THADA: variants seen among roughly 807,000 people sequenced by gnomAD.
The protein encoded by THADA is THADA armadillo repeat containing.
Under a neutral mutation model 219.8 loss-of-function variants are expected in THADA, and 213 were observed. The observed-to-expected ratio is 0.97, with a 90% CI of 0.87 to 1.09. The LOEUF is 1.09. Ranked by LOEUF, THADA falls within the 50% of genes least tolerant of loss-of-function variation. The pLI, the probability that THADA is intolerant of heterozygous loss-of-function variation, is 0.00. For missense variants in THADA, 2,956 were observed against 2,311.3 expected, an observed-to-expected ratio of 1.28 and a Z score of -5.72; for synonymous variants, 1,018 against 828.9, an observed-to-expected ratio of 1.23 and a Z score of -3.92.
At chr2:43,427,439 T>C (rs760795209) in intron 28 of THADA, among the ~76,000 whole-genome samples, 49 of 151,516 alleles carry the variant, frequency 3.2e-4, no homozygotes, top group Non-Finnish European at 6.2e-4. Context: ...CACCTTACTC[T>C]GAAACACTGG....
intron 36 of THADA, among the ~76,000 whole-genome samples, chr2:43,269,756 G>GT (rs1671922947): frequency 6.6e-6 from 1 of 152,132 alleles, no homozygotes. Flanking sequence ...CCCTCCACTG[G>GT]TTCACAGTGG....
At chr2:43,523,482 A>G (rs1692756934) in intron 22 of THADA, among the ~76,000 whole-genome samples, 1 of 152,230 alleles carries the variant, frequency 6.6e-6, no homozygotes, top group African/African-American at 2.4e-5. Flanking sequence ...TTATTTCTCA[A>G]CTGCATATTC....
At chr2:43,355,747 C>CT (rs1668805783) in intron 29 of THADA, among the ~76,000 whole-genome samples, 1 of 152,188 alleles carries the variant, frequency 6.6e-6, no homozygotes. Flanking sequence ...ACTGAAAAAA[C>CT]TATCCCTTTC....
intron 35 of THADA, among the ~76,000 whole-genome samples, chr2:43,284,691 G>C (rs1183856165): frequency 6.6e-6 from 1 of 152,150 alleles, no homozygotes; most frequent in Non-Finnish European, 1.5e-5. Context: ...TGCGAGAAGA[G>C]GACCACCGTC....
chr2:43,557,586 G>A (rs1275380397), intron 16 of THADA, among the ~76,000 whole-genome samples: 5 of 152,128 alleles, frequency 3.3e-5, no homozygotes, highest in East Asian at 1.9e-4. Context: ...CACTCACATC[G>A]CCTGTCCTAA....
At chr2:43,485,393 C>G in intron 25 of THADA, 68 bp from the exon 26 acceptor site, 1 of 1,094,586 alleles carries the variant, frequency 9.1e-7, no homozygotes, top group Non-Finnish European at 1.4e-6. Flanking sequence ...TTACAATGTT[C>G]AAACTAGATA....
At chr2:43,263,137 A>G (rs1184611315) in intron 36 of THADA, among the ~76,000 whole-genome samples, 1 of 152,066 alleles carries the variant, frequency 6.6e-6, no homozygotes, top group African/African-American at 2.4e-5. Context: ...AGTTCCCTAA[A>G]TGTGTCACGG....
At chr2:43,423,097 T>C (rs1252689165) in intron 28 of THADA, among the ~76,000 whole-genome samples, 3 of 152,204 alleles carry the variant, frequency 2.0e-5, no homozygotes, top group Non-Finnish European at 4.4e-5. Flanking sequence ...TTCTAGTACA[T>C]GGCTCCTCAA....
chr2:43,542,637 T>G (rs963981991), intron 20 of THADA, among the ~76,000 whole-genome samples: 1 of 152,200 alleles, frequency 6.6e-6, no homozygotes, highest in Non-Finnish European at 1.5e-5. Context: ...CTAATAAGGT[T>G]TGTTTCCTTT....
At chr2:43,579,502 G>A (rs1409327046) in intron 8 of THADA, among the ~76,000 whole-genome samples, 1 of 152,178 alleles carries the variant, frequency 6.6e-6, no homozygotes, top group Non-Finnish European at 1.5e-5. Flanking sequence ...ACTTCTTTAT[G>A]ACATCATAAA....
intron 26 of THADA, among the ~76,000 whole-genome samples, chr2:43,433,878 G>T (rs1445744360): frequency 3.9e-5 from 6 of 152,116 alleles, no homozygotes; most frequent in African/African-American, 7.2e-5. Context: ...TAGTAGAGAT[G>T]AGGTTTCACT....
chr2:43,559,908 T>C (rs527737734), intron 16 of THADA, among the ~76,000 whole-genome samples: 46 of 152,324 alleles, frequency 3.0e-4, no homozygotes, highest in Middle Eastern at 3.4e-3. Flanking sequence ...GAATATTACA[T>C]GTCCAAGGGA....
chr2:43,334,079 C>A (rs1338829890), intron 30 of THADA, among the ~76,000 whole-genome samples: 1 of 152,238 alleles, frequency 6.6e-6, no homozygotes, highest in Non-Finnish European at 1.5e-5. Context: ...GATTGCCACA[C>A]AAAAGCCTCA....
At chr2:43,548,768 T>C (rs1423797540) in intron 20 of THADA, among the ~76,000 whole-genome samples, 1 of 152,228 alleles carries the variant, frequency 6.6e-6, no homozygotes, top group Non-Finnish European at 1.5e-5. Context: ...AGGTACCGTC[T>C]GTCACCCCTT....
intron 22 of THADA, among the ~76,000 whole-genome samples, chr2:43,512,169 C>G (rs577914011): frequency 6.6e-6 from 1 of 152,208 alleles, no homozygotes; most frequent in Non-Finnish European, 1.5e-5. Flanking sequence ...ACCATGGACC[C>G]AGGAACCTCA....
chr2:43,371,822 C>T (rs1670836697), intron 29 of THADA: 1 of 152,024 alleles, frequency 6.6e-6, no homozygotes, highest in Admixed American at 6.6e-5. Context: ...AGAGGGTCCG[C>T]TATTTCCCTT....
chr2:43,448,560 C>CTTTTTTTTTTTTTTTTTTTTTTTTT (rs71410179), intron 26 of THADA, among the ~76,000 whole-genome samples: 2 of 103,628 alleles, frequency 1.9e-5, no homozygotes, highest in African/African-American at 3.6e-5. Context: ...TTCTTCCTTT[C>CTTTTTTTTTTTTTTTTTTTTTTTTT]TTTTTTTTTT....
At chr2:43,533,462 T>A (rs1343505136) in intron 21 of THADA, among the ~76,000 whole-genome samples, 1 of 152,126 alleles carries the variant, frequency 6.6e-6, no homozygotes, top group East Asian at 1.9e-4. Context: ...CAGCACCATT[T>A]ACAATAGCAA....
chr2:43,388,354 C>G (rs1453650209), intron 29 of THADA, among the ~76,000 whole-genome samples: 1 of 152,006 alleles, frequency 6.6e-6, no homozygotes, highest in East Asian at 1.9e-4. Flanking sequence ...TATCGTCAGT[C>G]ATATGAAGTC....
Sources: gnomAD v4.1 joint callset for allele counts (sites outside exome capture counted in the v4.1 genomes callset) on GRCh38, gnomAD v4.1.1 for gene constraint, MANE v1.5 for transcripts, NCBI Gene and HGNC (gene_info 2026-07-23, HGNC 2026-07-21) for gene names.